Variants in GALNT11 observed in about 807,000 individuals in gnomAD.
The protein encoded by GALNT11 is UDP-GalNAc:polypeptide N-acetylgalactosaminyltransferase 11.
Under a neutral mutation model 72.7 loss-of-function variants are expected in GALNT11, and 47 were observed. The observed-to-expected ratio is 0.65, with a 90% CI of 0.51 to 0.82. The LOEUF (loss-of-function observed/expected upper bound fraction) is 0.82. GALNT11 is among the 40% of genes least tolerant of loss of function. The pLI, the probability that GALNT11 is intolerant of heterozygous loss-of-function variation, is 0.00. For missense variants in GALNT11, 677 were observed against 778.4 expected (o/e 0.87, Z 1.55); for synonymous variants, 270 against 286.6 (o/e 0.94, Z 0.58).
intron 5 of GALNT11, among the ~76,000 whole-genome samples, chr7:152,105,591 T>C (rs115410786): frequency 8.5e-4 from 130 of 152,370 alleles, no homozygotes; most frequent in African/African-American, 2.7e-3. Context: ...AAATCCTCAG[T>C]GTCTATTTTC....
At position 152,108,099 on chromosome 7, in the gene GALNT11, G is replaced by C; in HGVS notation, c.774G>C (p.Leu258Phe). 6.2e-7 allele frequency: 1 copy of C among 1,614,028 alleles called. No individual in the cohort carries two copies. The highest frequency in any genetic ancestry group is 8.5e-7 in the Non-Finnish European group (1 of 1,179,938). Residue 258 changes from leucine (L) to phenylalanine (F), a missense_variant, in exon 6 of 12, where the codon TTG (leucine) becomes TTC (phenylalanine). Transcript: ENST00000430044. ...TGAATGTGATGTGGCTGCAGCCCTT[G>C]CTGGCCGCCATCCGTGAGGACCGGC... is the stretch of plus-strand genomic sequence containing the variant. ...CEVNVMWLQP[L>F]LAAIREDRHT...
At position 152,121,506 on chromosome 7, in the gene GALNT11, A is replaced by G. The variant is rs1260409198; in HGVS notation, c.1696-40A>G. 5.7e-6 allele frequency: 9 copies of G among 1,586,206 alleles called. No individual in the cohort carries two copies. In the African/African-American group the frequency reaches 1.2e-4, roughly 21 times the overall value. On this transcript the variant is annotated intron_variant, in intron 11 of 11. Coordinates refer to ENST00000430044, the MANE Select transcript of GALNT11 (RefSeq NM_022087.4). ...CTCCTCTGGATTTCCATGTTTTGCC[A>G]GTAATTGGCAGTATTTTTTTGTTGC...
chr7:152,070,197 T>C (rs1452933831), intron 1 of GALNT11, among the ~76,000 whole-genome samples: 2 of 151,972 alleles, frequency 1.3e-5, no homozygotes, highest in African/African-American at 4.8e-5. Flanking sequence ...AGGGTTTTAC[T>C]GTGTTAGCCA....
chr7:152,036,827 C>A (rs189616703), intron 1 of GALNT11, among the ~76,000 whole-genome samples: 13 of 152,286 alleles, frequency 8.5e-5, no homozygotes, highest in Admixed American at 7.2e-4. Context: ...TTTTGCATTT[C>A]TCTGATCAGT....
At chr7:152,072,146 C>T (rs1457677729) in intron 1 of GALNT11, among the ~76,000 whole-genome samples, 2 of 151,434 alleles carry the variant, frequency 1.3e-5, no homozygotes, top group Admixed American at 6.6e-5. Context: ...ATGATGAAAC[C>T]CCATCTCTAC....
chr7:152,110,765 C>G, intron 7 of GALNT11, 120 bp downstream of exon 7: 1 of 783,362 alleles, frequency 1.3e-6, no homozygotes, highest in Non-Finnish European at 2.0e-6. Flanking sequence ...GGGTCTTTCT[C>G]TGCTGCCCAG....
intron 1 of GALNT11, chr7:152,075,065 G>A (rs547179386): frequency 6.6e-6 from 1 of 152,342 alleles, no homozygotes; most frequent in East Asian, 1.9e-4. Context: ...TGGAGGTAAA[G>A]CCCACAGAAG....
chr7:152,063,697 T>C (rs1274063000), intron 1 of GALNT11, among the ~76,000 whole-genome samples: 1 of 152,236 alleles, frequency 6.6e-6, no homozygotes, highest in African/African-American at 2.4e-5. Flanking sequence ...ACATCTTTAT[T>C]TCTGCCTTCA....
intron 2 of GALNT11, among the ~76,000 whole-genome samples, chr7:152,095,256 A>G (rs919081634): frequency 2.0e-5 from 3 of 152,054 alleles, no homozygotes; most frequent in Non-Finnish European, 4.4e-5. Context: ...ATGCCTTTGA[A>G]TACTGCAATT....
intron 1 of GALNT11, among the ~76,000 whole-genome samples, chr7:152,032,701 A>T (rs890800313): frequency 6.6e-6 from 1 of 152,144 alleles, no homozygotes; most frequent in Non-Finnish European, 1.5e-5. Flanking sequence ...TTGCCCTTCC[A>T]AATTGTCCTT....
At chr7:152,038,725 G>T (rs756185680) in intron 1 of GALNT11, among the ~76,000 whole-genome samples, 1 of 152,200 alleles carries the variant, frequency 6.6e-6, no homozygotes. Context: ...AGACAACACA[G>T]ATTAAAAGGA....
chr7:152,033,438 G>A (rs1275664116), intron 1 of GALNT11, among the ~76,000 whole-genome samples: 1 of 152,124 alleles, frequency 6.6e-6, no homozygotes, highest in Non-Finnish European at 1.5e-5. Flanking sequence ...AGAACACCAA[G>A]GTTGCCAGGT....
rs898087089 is a variant in GALNT11 at position 152,111,355 on chromosome 7, A to T, written c.1080+710A>T. Reference sequence around the variant, plus strand: ...TTTTTGTAGAGATGCGAGTCTCACTATGTTGCCCAGGCTGGTCTTGAACTC... The same window carrying T: ...TTTTTGTAGAGATGCGAGTCTCACTTTGTTGCCCAGGCTGGTCTTGAACTC... On this transcript the variant is annotated intron_variant, in intron 7 of 11. Coordinates refer to ENST00000430044, the MANE Select transcript of GALNT11 (RefSeq NM_022087.4). 1.1e-3 allele frequency among the ~76,000 whole-genome samples: 164 copies of T among 152,178 alleles called. 1 individual carries two copies. Among genetic ancestry groups the T allele is most frequent in the African/African-American group, 3.9e-3 (160 of 41,524 alleles).
At chr7:152,116,018 T>G (rs2088812787) in intron 8 of GALNT11, among the ~76,000 whole-genome samples, 1 of 152,160 alleles carries the variant, frequency 6.6e-6, no homozygotes, top group African/African-American at 2.4e-5. Flanking sequence ...ATCGTGCCAT[T>G]GTACTCCAGC....
intron 10 of GALNT11, chr7:152,120,306 A>G (rs1452575536): frequency 6.3e-6 from 1 of 159,358 alleles, no homozygotes; most frequent in African/African-American, 2.4e-5. Context: ...ATAGAACAGA[A>G]GAGAATAGGT....
intron 1 of GALNT11, among the ~76,000 whole-genome samples, chr7:152,046,348 T>C (rs2083120843): frequency 6.6e-6 from 1 of 152,208 alleles, no homozygotes; most frequent in Admixed American, 6.5e-5. Flanking sequence ...AAGTCTGATA[T>C]ATCTTTGTTG....
intron 1 of GALNT11, among the ~76,000 whole-genome samples, chr7:152,026,749 C>T (rs906891480): frequency 4.6e-5 from 7 of 152,326 alleles, no homozygotes; most frequent in African/African-American, 1.7e-4. Flanking sequence ...CTCATCTTAC[C>T]CATGACCTGG....
intron 2 of GALNT11, among the ~76,000 whole-genome samples, chr7:152,097,829 GT>G (rs1456586211): frequency 3.9e-5 from 6 of 152,212 alleles, no homozygotes; most frequent in African/African-American, 1.2e-4. Flanking sequence ...CAAATGAGTG[GT>G]TCCCAGGGAC....
At chr7:152,046,602 A>C (rs2083138013) in intron 1 of GALNT11, among the ~76,000 whole-genome samples, 1 of 152,154 alleles carries the variant, frequency 6.6e-6, no homozygotes, top group Admixed American at 6.5e-5. Flanking sequence ...GTTTGATATA[A>C]ATATAGCTAC....
Sources: allele counts gnomAD v4.1 joint callset (sites outside exome capture counted in the v4.1 genomes callset), GRCh38; gene constraint gnomAD v4.1.1; transcripts MANE v1.5; gene names NCBI Gene and HGNC (gene_info 2026-07-23, HGNC 2026-07-21).